GALNT14: variants seen among roughly 807,000 people sequenced by gnomAD.
GALNT14 encodes UDP-GalNAc:polypeptide N-acetylgalactosaminyltransferase 14.
In GALNT14, 60 loss-of-function variants were observed where a neutral mutation model predicts 77.5. The observed-to-expected ratio is 0.77, with a 90% confidence interval of 0.63 to 0.96. GALNT14 has a LOEUF of 0.96. Among genes scored for constraint, GALNT14 ranks in the 40% least tolerant of loss-of-function variants. GALNT14 has a pLI of 0.00. For synonymous variants in GALNT14, 280 were observed against 281.7 expected, an observed-to-expected ratio of 0.99 and a Z score of 0.06; for missense variants, 710 against 731.0, an observed-to-expected ratio of 0.97 and a Z score of 0.33.
intron 9 of GALNT14, among the ~76,000 whole-genome samples, chr2:30,941,146 C>A (rs1407339515): frequency 6.6e-6 from 1 of 152,236 alleles, no homozygotes; most frequent in African/African-American, 2.4e-5. Flanking sequence ...GGCCTGAGCC[C>A]CTGCTCAGAG....
chr2:31,094,097 A>G (rs972572668), intron 1 of GALNT14, among the ~76,000 whole-genome samples: 8 of 152,376 alleles, frequency 5.3e-5, no homozygotes, highest in African/African-American at 1.9e-4. Flanking sequence ...AGAAGTGAAA[A>G]TAGCCTTAAC....
intron 1 of GALNT14, among the ~76,000 whole-genome samples, chr2:31,108,502 C>G (rs760682505): frequency 1.3e-5 from 2 of 152,176 alleles, no homozygotes; most frequent in Non-Finnish European, 2.9e-5. Flanking sequence ...AAGGCAAACA[C>G]AAGGGTTTGT....
chr2:30,922,971 T>G (rs1032428151), intron 13 of GALNT14, among the ~76,000 whole-genome samples: 19 of 151,250 alleles, frequency 1.3e-4, no homozygotes, highest in East Asian at 9.7e-4. Context: ...AAAAGAACAG[T>G]GAGCTGGGAA....
chr2:30,971,027 G>A (rs193126799), intron 2 of GALNT14, among the ~76,000 whole-genome samples: 111 of 152,068 alleles, frequency 7.3e-4, no homozygotes, highest in Non-Finnish European at 1.0e-3. Flanking sequence ...GAACTCACCG[G>A]GGTTCAAGGC....
At chr2:30,957,085 C>A (rs1336890504) in intron 4 of GALNT14, among the ~76,000 whole-genome samples, 1 of 152,126 alleles carries the variant, frequency 6.6e-6, no homozygotes, top group Admixed American at 6.5e-5. Flanking sequence ...GCTCTGAACT[C>A]CATATCTTGG....
At chr2:31,121,950 G>A (rs146043207) in intron 1 of GALNT14, among the ~76,000 whole-genome samples, 1 of 152,206 alleles carries the variant, frequency 6.6e-6, no homozygotes, top group East Asian at 1.9e-4. Flanking sequence ...CTAAAGCAGA[G>A]ATACCAGGAA....
rs137909516 is a variant in GALNT14 at position 31,116,185 on chromosome 2, C to T, written c.129+21773G>A. 8.6e-4 allele frequency among the ~76,000 whole-genome samples: 131 copies of T among 151,656 alleles called. 2 individuals are homozygous for T. The highest frequency in any genetic ancestry group is 7.7e-3 in the Admixed American group (118 of 15,252). ...AGCATAGATGGTATAGTAAGATGTCCAAATTAAAAAGGGAAAGAGAAATTG... is the reference window on the plus strand; with the variant it reads ...AGCATAGATGGTATAGTAAGATGTCTAAATTAAAAAGGGAAAGAGAAATTG... On this transcript the variant is annotated intron_variant, in intron 1 of 14. Transcript: ENST00000349752.
intron 6 of GALNT14, among the ~76,000 whole-genome samples, chr2:30,948,808 C>G (rs1298886473): frequency 6.6e-6 from 1 of 152,200 alleles, no homozygotes; most frequent in Non-Finnish European, 1.5e-5. Flanking sequence ...TGGGGACCCC[C>G]AGACTGCAAT....
intron 1 of GALNT14, among the ~76,000 whole-genome samples, chr2:31,078,052 T>C (rs546193488): frequency 4.1e-4 from 63 of 152,334 alleles, no homozygotes; most frequent in Admixed American, 3.1e-3. Context: ...GACATTGCTA[T>C]GTGCCAGAGG....
chr2:30,957,279 C>A (rs116702726), intron 4 of GALNT14, among the ~76,000 whole-genome samples: 1,551 of 152,276 alleles, frequency 0.01, 19 homozygotes, highest in African/African-American at 0.033. Context: ...TGTTTTATAA[C>A]AAGGAAACTG....
At chr2:30,924,326 C>G in intron 12 of GALNT14, 63 bp from the exon 13 acceptor site, 1 of 1,560,326 alleles carries the variant, frequency 6.4e-7, no homozygotes, top group Admixed American at 1.7e-5. Flanking sequence ...AGACTACCAG[C>G]TGGAGAGGGT....
At position 30,912,302 on chromosome 2, in the gene GALNT14, T is replaced by C; in HGVS notation, c.1421A>G (p.Glu474Gly). 1 of 1,614,000 alleles carries C rather than the reference T, an allele frequency of 6.2e-7. No individual in the cohort carries two copies. Among genetic ancestry groups the C allele is most frequent in the African/African-American group, 1.3e-5 (1 of 75,000 alleles). The change falls in exon 14 of 15, where the codon GAG (glutamate) becomes GGG (glycine). Residue 474 changes from glutamate to glycine, a missense_variant. By Grantham distance (98) the Glu-to-Gly change is moderately conservative. Transcript: ENST00000349752. ...FTYTQQILQE[E>G]LCLSVITLFP... ...CAAGGTGATGACTGACAGGCACAGC[T>C]CCTCCTGGAGGATCTGCTGGGTGTA...
At chr2:31,128,237 C>G (rs954258964) in intron 1 of GALNT14, among the ~76,000 whole-genome samples, 2 of 152,124 alleles carry the variant, frequency 1.3e-5, no homozygotes, top group Non-Finnish European at 2.9e-5. Flanking sequence ...AGCAGGCCAC[C>G]AACGAGACAG....
intron 2 of GALNT14, among the ~76,000 whole-genome samples, chr2:30,981,635 G>C (rs1668996632): frequency 6.6e-6 from 1 of 151,992 alleles, no homozygotes; most frequent in Non-Finnish European, 1.5e-5. Flanking sequence ...AGTCTGCGAG[G>C]GGAAAGAGTA....
intron 2 of GALNT14, among the ~76,000 whole-genome samples, chr2:30,975,254 C>CA (rs1368119249): frequency 6.6e-6 from 1 of 152,102 alleles, no homozygotes; most frequent in Non-Finnish European, 1.5e-5. Flanking sequence ...TCTTGTTTAC[C>CA]AAAGTTCCAA....
chr2:31,123,916 A>G (rs1678549514), intron 1 of GALNT14, among the ~76,000 whole-genome samples: 1 of 152,158 alleles, frequency 6.6e-6, no homozygotes, highest in Non-Finnish European at 1.5e-5. Context: ...GCATCCCCAG[A>G]GACACAGTTG....
At chr2:31,088,306 G>A (rs1352415666) in intron 1 of GALNT14, among the ~76,000 whole-genome samples, 1 of 152,188 alleles carries the variant, frequency 6.6e-6, no homozygotes, top group Non-Finnish European at 1.5e-5. Context: ...GAAGAACAGG[G>A]TAGATTATTA....
At chr2:31,005,838 T>G (rs927769194) in intron 1 of GALNT14, among the ~76,000 whole-genome samples, 2 of 152,224 alleles carry the variant, frequency 1.3e-5, no homozygotes, top group African/African-American at 4.8e-5. Context: ...AGAAAACTAT[T>G]TTAAGAAGCG....
chr2:31,112,771 C>T (rs1283837251), intron 1 of GALNT14, among the ~76,000 whole-genome samples: 3 of 152,230 alleles, frequency 2.0e-5, no homozygotes, highest in South Asian at 4.1e-4. Flanking sequence ...CTTCTCCTTG[C>T]TATCTCCAGA....
Sources: allele counts gnomAD v4.1 joint callset (sites outside exome capture counted in the v4.1 genomes callset), GRCh38; gene constraint gnomAD v4.1.1; transcripts MANE v1.5; gene names NCBI Gene and HGNC (gene_info 2026-07-23, HGNC 2026-07-21).